The following KIF6 variants were observed in gnomAD, a reference collection of about 807,000 sequenced individuals.
The protein encoded by KIF6 is kinesin-like protein KIF6.
Under a neutral mutation model 112.7 loss-of-function variants are expected in KIF6, and 106 were observed. The ratio of observed to expected loss-of-function variants is 0.94; its 90% CI spans 0.80 to 1.11. The LOEUF is 1.11. KIF6 is among the 50% of genes least tolerant of loss of function. The pLI is 0.00. For synonymous variants in KIF6, 339 were observed against 339.9 expected (o/e 1.00, Z 0.03); for missense variants, 929 against 964.0 (o/e 0.96, Z 0.48).
Position 39,343,004 on chromosome 6 carries a change from G to A in KIF6, c.2428+705C>T. 3.0e-6 allele frequency: 3 copies of A among 985,426 alleles called. No homozygotes were observed. Among genetic ancestry groups the A allele is most frequent in the Non-Finnish European group, 3.6e-6 (3 of 829,924 alleles). 61.0% of individuals were successfully genotyped at this position (985,426 alleles called of 1,614,324 possible). ...GCCTGCCTAGTAGCCTTTGGGTTAT[G>A]GGGAGGAGGCTAAGACAAAATGCAG... On this transcript the variant is annotated intron_variant, in intron 22 of 22. Transcript: ENST00000287152. This position sits in a 1 kb window ranked among gnomAD's most constrained non-coding sequence, Gnocchi z 4.1.
intron 19 of KIF6, among the ~76,000 whole-genome samples, chr6:39,351,442 A>C (rs902736077): frequency 6.6e-6 from 1 of 150,908 alleles, no homozygotes; most frequent in Non-Finnish European, 1.5e-5. Flanking sequence ...TGTTGTAGAG[A>C]CGGGGTTTCA....
intron 3 of KIF6, among the ~76,000 whole-genome samples, chr6:39,643,030 C>T (rs574353750): frequency 6.6e-5 from 10 of 152,166 alleles, no homozygotes; most frequent in South Asian, 4.2e-4. Flanking sequence ...AGTTTGTTGA[C>T]GATAAATTTG....
chr6:39,448,513 C>T (rs1329271946), intron 13 of KIF6, among the ~76,000 whole-genome samples: 1 of 152,146 alleles, frequency 6.6e-6, no homozygotes, highest in African/African-American at 2.4e-5. Flanking sequence ...ATTTTGTGTT[C>T]ATTTATTACC....
intron 15 of KIF6, among the ~76,000 whole-genome samples, chr6:39,418,065 C>CA (rs1770060348): frequency 6.6e-6 from 1 of 151,988 alleles, no homozygotes; most frequent in Non-Finnish European, 1.5e-5. Context: ...TGGGATGCCC[C>CA]CCAGCAGAGT....
At chr6:39,530,088 A>C (rs1777956361) in intron 13 of KIF6, among the ~76,000 whole-genome samples, 1 of 152,188 alleles carries the variant, frequency 6.6e-6, no homozygotes, top group South Asian at 2.1e-4. Flanking sequence ...TAAGCTCCCC[A>C]AACCAGAGAC....
At chr6:39,470,577 C>T (rs916477069) in intron 13 of KIF6, among the ~76,000 whole-genome samples, 7 of 152,108 alleles carry the variant, frequency 4.6e-5, no homozygotes, top group South Asian at 2.1e-4. Flanking sequence ...TCATACTCCC[C>T]GGGTGATGTG....
At chr6:39,406,673 T>C (rs1334838524) in intron 15 of KIF6, among the ~76,000 whole-genome samples, 1 of 152,220 alleles carries the variant, frequency 6.6e-6, no homozygotes, top group Non-Finnish European at 1.5e-5. Flanking sequence ...TTTCCTTTAG[T>C]TCAAAATATT....
At chr6:39,583,554 G>A (rs1333893801) in intron 9 of KIF6, 2 of 462,346 alleles carry the variant, frequency 4.3e-6, no homozygotes, top group African/African-American at 2.0e-5. Flanking sequence ...TCCATGGGGA[G>A]AAAGAGGAGA....
intron 16 of KIF6, among the ~76,000 whole-genome samples, chr6:39,369,795 G>A (rs1765831688): frequency 6.6e-6 from 1 of 152,130 alleles, no homozygotes; most frequent in South Asian, 2.1e-4. Flanking sequence ...AACTTGGCAT[G>A]GATCCTATTC....
chr6:39,587,683 T>A (rs1052206597), intron 7 of KIF6, among the ~76,000 whole-genome samples: 1 of 152,098 alleles, frequency 6.6e-6, no homozygotes, highest in African/African-American at 2.4e-5. Flanking sequence ...ACCAGGACTA[T>A]CTCATGTCTC....
At chr6:39,614,796 T>G (rs1452726193) in intron 5 of KIF6, among the ~76,000 whole-genome samples, 3 of 152,324 alleles carry the variant, frequency 2.0e-5, no homozygotes, top group African/African-American at 7.2e-5. Flanking sequence ...TTGAAATGGA[T>G]GAGTTGTATT....
chr6:39,476,543 C>T (rs894723722), intron 13 of KIF6, among the ~76,000 whole-genome samples: 1 of 152,150 alleles, frequency 6.6e-6, no homozygotes, highest in Non-Finnish European at 1.5e-5. Context: ...TCTGGGTGGA[C>T]TCTAAGAAGA....
At chr6:39,651,292 G>C (rs4714267) in intron 3 of KIF6, among the ~76,000 whole-genome samples, 36,962 of 152,026 alleles carry the variant, frequency 0.24, 5,005 homozygotes, top group East Asian at 0.4. Flanking sequence ...TCTAGGTGAA[G>C]AAGTAGGGGA....
intron 10 of KIF6, among the ~76,000 whole-genome samples, chr6:39,571,530 G>A (rs574170822): frequency 6.6e-6 from 1 of 152,252 alleles, no homozygotes; most frequent in African/African-American, 2.4e-5. Flanking sequence ...AGCTCCATGA[G>A]GGCAAGAACA....
chr6:39,503,849 G>GAAAAAAAAAAAAAAA (rs772144009), intron 13 of KIF6, among the ~76,000 whole-genome samples: 1 of 81,948 alleles, frequency 1.2e-5, no homozygotes, highest in African/African-American at 4.6e-5. Flanking sequence ...CAACCAACCA[G>GAAAAAAAAAAAAAAA]AAAAAAAAAA....
chr6:39,648,912 T>C (rs1785317163), intron 3 of KIF6, among the ~76,000 whole-genome samples: 1 of 151,464 alleles, frequency 6.6e-6, no homozygotes. Context: ...CTTATGCCTG[T>C]AATCCTAGCA....
At chr6:39,400,460 G>A (rs373669014) in intron 15 of KIF6, among the ~76,000 whole-genome samples, 1 of 152,088 alleles carries the variant, frequency 6.6e-6, no homozygotes. Context: ...GCTTTATACC[G>A]GCCACACTGG....
chr6:39,385,481 G>A, intron 16 of KIF6, 141 bp downstream of exon 16: 2 of 687,880 alleles, frequency 2.9e-6, no homozygotes, highest in Non-Finnish European at 5.2e-6. Flanking sequence ...TCCAAGGAAA[G>A]CTGTGTGGAT....
intron 14 of KIF6, among the ~76,000 whole-genome samples, chr6:39,420,293 G>A (rs559297948): frequency 1.1e-4 from 17 of 152,128 alleles, no homozygotes; most frequent in Admixed American, 3.3e-4. Context: ...TCAGAATAAA[G>A]CCTGGCTGTA....
Sources: allele counts gnomAD v4.1 joint callset (sites outside exome capture counted in the v4.1 genomes callset), GRCh38; gene constraint gnomAD v4.1.1; non-coding constraint Gnocchi (gnomAD v3.1); transcripts MANE v1.5; gene names NCBI Gene and HGNC (gene_info 2026-07-23, HGNC 2026-07-21).